Variants in CNTNAP2 observed in about 807,000 individuals in gnomAD.
CNTNAP2 encodes contactin-associated protein-like 2.
CNTNAP2 carries 98 observed loss-of-function variants against 155.2 expected under a neutral mutation model. That is an observed-to-expected ratio of 0.63 (90% confidence interval 0.54 to 0.75). The LOEUF is 0.75. CNTNAP2 is among the 30% of genes least tolerant of loss of function. The pLI, the probability that CNTNAP2 is intolerant of heterozygous loss-of-function variation, is 0.00. For missense variants in CNTNAP2, 1,727 were observed against 1,688.1 expected, an observed-to-expected ratio of 1.02 and a Z score of -0.40; for synonymous variants, 651 against 631.2, an observed-to-expected ratio of 1.03 and a Z score of -0.47.
Position 146,651,495 on chromosome 7 carries a change from T to TA in CNTNAP2, c.98-122773dup, listed in dbSNP as rs564445079. ...CTTACGTACTTTGTTATTGATAGTA[T>TA]AAACTGGTATGGACATGTGGGGAAA... On this transcript the variant is annotated intron_variant, in intron 1 of 23. Coordinates refer to ENST00000361727, the MANE Select transcript of CNTNAP2 (RefSeq NM_014141.6). Among the ~76,000 whole-genome samples the TA allele has an allele frequency of 3.7e-3, 565 of 152,312 alleles. 3 individuals carry two copies. Among genetic ancestry groups the TA allele is most frequent in the Non-Finnish European group, 5.7e-3 (388 of 68,010 alleles).
At chr7:146,592,233 T>C (rs1798794122) in intron 1 of CNTNAP2, among the ~76,000 whole-genome samples, 3 of 152,200 alleles carry the variant, frequency 2.0e-5, no homozygotes, top group Admixed American at 2.0e-4. Flanking sequence ...TGAGGATCTC[T>C]GTGGCATATG....
chr7:147,696,572 G>T (rs1446753518), intron 13 of CNTNAP2, among the ~76,000 whole-genome samples: 2 of 151,958 alleles, frequency 1.3e-5, no homozygotes, highest in Non-Finnish European at 1.5e-5. Flanking sequence ...AGTTTTTGTT[G>T]TGTCTTCCCT....
chr7:146,920,346 G>A lies in CNTNAP2; in HGVS notation c.402+80442G>A, dbSNP rs148137193. ...GGAGAATCACTTGAAACTGGGATGC[G>A]GAGGTTGCAGTGAGCTGAGATTCCA... On this transcript the variant is annotated intron_variant, in intron 3 of 23. Transcript: ENST00000361727. 1.1e-3 allele frequency among the ~76,000 whole-genome samples: 163 copies of A among 151,982 alleles called. 1 individual carries two copies. The highest frequency in any genetic ancestry group is 1.6e-3 in the Admixed American group (25 of 15,266).
intron 9 of CNTNAP2, among the ~76,000 whole-genome samples, chr7:147,311,358 G>T (rs532503100): frequency 6.6e-6 from 1 of 152,284 alleles, no homozygotes; most frequent in South Asian, 2.1e-4. Flanking sequence ...GAAAGGGAAG[G>T]ATGAGTGAGT....
chr7:147,690,029 G>A (rs539322834), intron 13 of CNTNAP2, among the ~76,000 whole-genome samples: 14 of 151,768 alleles, frequency 9.2e-5, no homozygotes, highest in East Asian at 3.9e-4. Flanking sequence ...CCCAAATTCC[G>A]CCTCCAGTCT....
chr7:146,922,964 T>C (rs1005341828), intron 3 of CNTNAP2, among the ~76,000 whole-genome samples: 4 of 152,200 alleles, frequency 2.6e-5, no homozygotes, highest in Non-Finnish European at 4.4e-5. Flanking sequence ...CAGGAATGCA[T>C]GCTTGACAAC....
chr7:146,180,925 T>C (rs924313096), intron 1 of CNTNAP2, among the ~76,000 whole-genome samples: 8 of 152,144 alleles, frequency 5.3e-5, no homozygotes, highest in Non-Finnish European at 1.0e-4. Flanking sequence ...TAGACTGTGT[T>C]TGAACACAAA....
chr7:146,307,080 C>T (rs888524882), intron 1 of CNTNAP2, among the ~76,000 whole-genome samples: 1 of 152,130 alleles, frequency 6.6e-6, no homozygotes, highest in Non-Finnish European at 1.5e-5. Flanking sequence ...ATTTAGAAAA[C>T]CCCATCGTCT....
At chr7:147,499,453 C>T (rs575808274) in intron 11 of CNTNAP2, among the ~76,000 whole-genome samples, 9 of 152,130 alleles carry the variant, frequency 5.9e-5, no homozygotes, top group Admixed American at 2.6e-4. Flanking sequence ...GGCCTGAACC[C>T]GGGAGGCAGA....
intron 8 of CNTNAP2, among the ~76,000 whole-genome samples, chr7:147,144,148 T>C (rs1386012326): frequency 6.6e-6 from 1 of 152,168 alleles, no homozygotes; most frequent in African/African-American, 2.4e-5. Context: ...TGACTTGCTT[T>C]GTTAAGTGAA....
chr7:147,417,521 T>C (rs554519857), intron 10 of CNTNAP2, among the ~76,000 whole-genome samples: 5 of 152,352 alleles, frequency 3.3e-5, no homozygotes, highest in East Asian at 1.9e-4. Flanking sequence ...TTTCAATATA[T>C]GAATTTTGGC....
intron 10 of CNTNAP2, among the ~76,000 whole-genome samples, chr7:147,396,168 A>G (rs1029031390): frequency 1.3e-5 from 1 of 75,386 alleles, no homozygotes; most frequent in Non-Finnish European, 2.3e-5. Flanking sequence ...GAGATATATC[A>G]TATATATATA....
chr7:146,205,165 T>A (rs913321711), intron 1 of CNTNAP2, among the ~76,000 whole-genome samples: 1 of 152,036 alleles, frequency 6.6e-6, no homozygotes, highest in African/African-American at 2.4e-5. Context: ...CATTTATTAT[T>A]GTTCACTGAC....
intron 13 of CNTNAP2, among the ~76,000 whole-genome samples, chr7:147,884,859 G>C (rs965375988): frequency 9.9e-5 from 15 of 152,066 alleles, no homozygotes; most frequent in Non-Finnish European, 1.5e-5. Flanking sequence ...GAGGAAGACC[G>C]GGTAATGGAT....
At position 146,902,781 on chromosome 7, in the gene CNTNAP2, C is replaced by T. The variant is rs140727978; in HGVS notation, c.402+62877C>T. 6.5e-4 allele frequency among the ~76,000 whole-genome samples: 99 copies of T among 152,322 alleles called. 2 individuals are homozygous for T. Among genetic ancestry groups the T allele is most frequent in the Non-Finnish European group, 1.3e-3 (88 of 68,026 alleles). On this transcript the variant is annotated intron_variant, in intron 3 of 23. Coordinates refer to ENST00000361727, the MANE Select transcript of CNTNAP2 (RefSeq NM_014141.6). ...TTTCTTATCCCCACCAATAAAGTAG[C>T]TGAGAGCATGTGGCTGCCATTGCAG...
At chr7:146,677,132 G>A (rs537966614) in intron 1 of CNTNAP2, among the ~76,000 whole-genome samples, 1 of 152,222 alleles carries the variant, frequency 6.6e-6, no homozygotes, top group Non-Finnish European at 1.5e-5. Context: ...GGTATATAGT[G>A]GTTCAGTCTG....
chr7:148,372,119 G>A (rs187261770), intron 21 of CNTNAP2, among the ~76,000 whole-genome samples: 28 of 151,656 alleles, frequency 1.8e-4, no homozygotes, highest in Admixed American at 1.4e-3. Flanking sequence ...GGAGCATCGC[G>A]TGAACCTGGG....
chr7:147,521,675 C>T (rs1013120040), intron 11 of CNTNAP2, among the ~76,000 whole-genome samples: 12 of 152,172 alleles, frequency 7.9e-5, no homozygotes, highest in Admixed American at 6.5e-4. Context: ...TGTCTTCACT[C>T]GCCAGGATCA....
At chr7:146,693,694 A>G (rs1483682078) in intron 1 of CNTNAP2, among the ~76,000 whole-genome samples, 4 of 152,114 alleles carry the variant, frequency 2.6e-5, no homozygotes. Context: ...CTGAGCAACA[A>G]AGTATATTTT....
Sources: allele counts gnomAD v4.1 joint callset (sites outside exome capture counted in the v4.1 genomes callset), GRCh38; gene constraint gnomAD v4.1.1; transcripts MANE v1.5; gene names NCBI Gene and HGNC (gene_info 2026-07-23, HGNC 2026-07-21).